Variants in PPARGC1A observed in about 807,000 individuals in gnomAD.
PPARGC1A encodes peroxisome proliferator-activated receptor gamma coactivator 1-alpha.
PPARGC1A carries 25 observed loss-of-function variants against 88.7 expected under a neutral mutation model. That is an observed-to-expected ratio of 0.28 (90% CI 0.21 to 0.39). The LOEUF is 0.39. Ranked by LOEUF, PPARGC1A falls within the 10% of genes least tolerant of loss-of-function variation. The pLI, the probability that PPARGC1A is intolerant of heterozygous loss-of-function variation, is 1.00. For synonymous variants in PPARGC1A, 363 were observed against 355.6 expected (o/e 1.02, Z -0.24); for missense variants, 880 against 968.7 (o/e 0.91, Z 1.22).
chr4:24,124,712 C>G, the PPARGC1A span, among the ~76,000 whole-genome samples: 1 of 151,780 alleles, frequency 6.6e-6, no homozygotes, highest in Non-Finnish European at 1.5e-5. Flanking sequence ...GTACAGAGAA[C>G]AATTTACTGC....
chr4:24,291,259 T>A, the PPARGC1A span, among the ~76,000 whole-genome samples: 62 of 151,728 alleles, frequency 4.1e-4, no homozygotes, highest in African/African-American at 1.4e-3. Context: ...CATTTAACAC[T>A]CTCTCTCTCT....
chr4:24,355,500 TC>T, the PPARGC1A span, among the ~76,000 whole-genome samples: 1 of 152,152 alleles, frequency 6.6e-6, no homozygotes, highest in Non-Finnish European at 1.5e-5. Context: ...ATTTATAATC[TC>T]CAGCCCCTTC....
chr4:23,855,598 G>A (rs897804696), intron 2 of PPARGC1A, among the ~76,000 whole-genome samples: 11 of 152,088 alleles, frequency 7.2e-5, no homozygotes, highest in African/African-American at 2.7e-4. Flanking sequence ...TTTAATATAT[G>A]CTTAATAAGC....
the PPARGC1A span, among the ~76,000 whole-genome samples, chr4:24,086,894 G>A: frequency 6.6e-6 from 1 of 152,148 alleles, no homozygotes; most frequent in Admixed American, 6.5e-5. Flanking sequence ...TTTTATAGCT[G>A]AGAAAACTGA....
chr4:24,038,856 T>C, the PPARGC1A span, among the ~76,000 whole-genome samples: 5 of 152,338 alleles, frequency 3.3e-5, no homozygotes, highest in Admixed American at 1.3e-4. Flanking sequence ...AAGTGATATA[T>C]GGCAGAAGCT....
chr4:23,933,918 C>A, the PPARGC1A span, among the ~76,000 whole-genome samples: 2 of 152,168 alleles, frequency 1.3e-5, no homozygotes. Flanking sequence ...TGTAATGTGT[C>A]CTGTGTGTCT....
At chr4:24,414,564 C>A in the PPARGC1A span, among the ~76,000 whole-genome samples, 2 of 152,144 alleles carry the variant, frequency 1.3e-5, no homozygotes, top group Non-Finnish European at 2.9e-5. Flanking sequence ...TCTCGACAAT[C>A]CAATTGGATC....
the PPARGC1A span, among the ~76,000 whole-genome samples, chr4:24,296,203 G>A: frequency 2.0e-5 from 3 of 147,780 alleles, no homozygotes; most frequent in Non-Finnish European, 3.0e-5. Context: ...GTGTGTGTGT[G>A]TATATATATA....
the PPARGC1A span, among the ~76,000 whole-genome samples, chr4:24,289,044 A>G: frequency 6.6e-6 from 1 of 151,980 alleles, no homozygotes; most frequent in Non-Finnish European, 1.5e-5. Flanking sequence ...ATATGGTGAA[A>G]CCCCATCTCT....
chr4:23,936,812 G>C, the PPARGC1A span, among the ~76,000 whole-genome samples: 1 of 152,146 alleles, frequency 6.6e-6, no homozygotes, highest in Non-Finnish European at 1.5e-5. Flanking sequence ...GGAGGTTGCA[G>C]TGAGTCGAGA....
chr4:24,073,530 C>A, the PPARGC1A span, among the ~76,000 whole-genome samples: 18 of 152,290 alleles, frequency 1.2e-4, no homozygotes, highest in South Asian at 3.5e-3. Context: ...CTGAAACCAA[C>A]CTCAAGTGAA....
the PPARGC1A span, among the ~76,000 whole-genome samples, chr4:24,078,952 A>T: frequency 1.3e-5 from 2 of 152,122 alleles, no homozygotes; most frequent in Admixed American, 1.3e-4. Context: ...CATACTGAAA[A>T]CATAGAGTAA....
chr4:23,979,948 C>A, the PPARGC1A span, among the ~76,000 whole-genome samples: 1 of 152,028 alleles, frequency 6.6e-6, no homozygotes, highest in Non-Finnish European at 1.5e-5. Context: ...GGCTGCTAAT[C>A]AGGGTAGATG....
chr4:23,851,872 C>T (rs920255305), intron 2 of PPARGC1A, among the ~76,000 whole-genome samples: 2 of 152,126 alleles, frequency 1.3e-5, no homozygotes, highest in African/African-American at 4.8e-5. Context: ...ACATCCAGTG[C>T]TTCTTTAACA....
At chr4:23,837,391 A>G (rs201082421) in intron 2 of PPARGC1A, among the ~76,000 whole-genome samples, 1 of 68 alleles carries the variant, frequency 0.015, no homozygotes, top group African/African-American at 0.056. Flanking sequence ...GATTAATAGA[A>G]AAAAAAAAAA....
the PPARGC1A span, among the ~76,000 whole-genome samples, chr4:24,303,411 C>T: frequency 0.66 from 99,603 of 151,990 alleles, 33,013 homozygotes; most frequent in African/African-American, 0.73. Flanking sequence ...CCTTTACTGG[C>T]TGTATAAAAA....
chr4:24,238,732 T>C, the PPARGC1A span, among the ~76,000 whole-genome samples: 116 of 149,778 alleles, frequency 7.7e-4, 1 homozygote, highest in African/African-American at 2.8e-3. Flanking sequence ...ATCCTATCAA[T>C]CCAAGGTTGT....
the PPARGC1A span, among the ~76,000 whole-genome samples, chr4:24,084,332 A>C: frequency 6.6e-6 from 1 of 152,214 alleles, no homozygotes; most frequent in East Asian, 1.9e-4. Context: ...AGAAATGAAG[A>C]ATTATACCTA....
chr4:23,957,981 T>G, the PPARGC1A span, among the ~76,000 whole-genome samples: 1 of 152,064 alleles, frequency 6.6e-6, no homozygotes, highest in Admixed American at 6.6e-5. Context: ...TTGCAGTCGA[T>G]CTACTCAGTT....
Sources: gnomAD v4.1 joint callset for allele counts (sites outside exome capture counted in the v4.1 genomes callset) on GRCh38, gnomAD v4.1.1 for gene constraint, MANE v1.5 for transcripts, NCBI Gene and HGNC (gene_info 2026-07-23, HGNC 2026-07-21) for gene names.